Variants in NXPH1 observed in about 807,000 individuals in gnomAD.
NXPH1 encodes neurexophilin-1.
NXPH1 carries 5 observed loss-of-function variants against 23.7 expected under a neutral mutation model. The ratio of observed to expected loss-of-function variants is 0.21; its 90% CI spans 0.11 to 0.44. The LOEUF (loss-of-function observed/expected upper bound fraction) is 0.44. NXPH1 is among the 20% of genes least tolerant of loss of function. NXPH1 has a pLI of 0.99. For missense variants in NXPH1, 324 were observed against 321.6 expected (o/e 1.01, Z -0.06); for synonymous variants, 144 against 122.2 (o/e 1.18, Z -1.18).
intron 2 of NXPH1, among the ~76,000 whole-genome samples, chr7:8,718,674 C>T (rs1177603638): frequency 6.6e-6 from 1 of 152,230 alleles, no homozygotes; most frequent in East Asian, 1.9e-4. Context: ...TTCCTAAAGT[C>T]ACTTGCTTCT....
At chr7:8,688,450 T>C (rs1821180411) in intron 2 of NXPH1, among the ~76,000 whole-genome samples, 1 of 152,350 alleles carries the variant, frequency 6.6e-6, no homozygotes, top group Non-Finnish European at 1.5e-5. Flanking sequence ...AGATTGCTGC[T>C]TCTGTCCTTA....
chr7:8,647,032 A>T (rs930099611), intron 2 of NXPH1, among the ~76,000 whole-genome samples: 1 of 152,064 alleles, frequency 6.6e-6, no homozygotes, highest in Non-Finnish European at 1.5e-5. Flanking sequence ...GAACAGTCAG[A>T]CCCAGCTCCT....
At chr7:8,533,730 G>T (rs1019078786) in intron 2 of NXPH1, among the ~76,000 whole-genome samples, 1 of 151,912 alleles carries the variant, frequency 6.6e-6, no homozygotes, top group Non-Finnish European at 1.5e-5. Context: ...TTACAAATAG[G>T]ACCCAGTGGC....
intron 2 of NXPH1, among the ~76,000 whole-genome samples, chr7:8,525,789 C>A (rs60495611): frequency 0.034 from 5,205 of 152,262 alleles, 273 homozygotes; most frequent in African/African-American, 0.11. Context: ...CTGAGGTTTG[C>A]GAACCTCCAC....
At chr7:8,655,437 T>A (rs1348485911) in intron 2 of NXPH1, among the ~76,000 whole-genome samples, 1,410 of 66,896 alleles carry the variant, frequency 0.021, 37 homozygotes, top group Admixed American at 0.082. Context: ...TCTCTCTCTC[T>A]CTCTCTCTCT....
At chr7:8,707,020 T>C (rs907668726) in intron 2 of NXPH1, among the ~76,000 whole-genome samples, 1 of 152,164 alleles carries the variant, frequency 6.6e-6, no homozygotes, top group Non-Finnish European at 1.5e-5. Context: ...TGTAACAAAA[T>C]TGCACATGTG....
intron 2 of NXPH1, among the ~76,000 whole-genome samples, chr7:8,579,725 G>C (rs1325070089): frequency 6.6e-6 from 1 of 152,140 alleles, no homozygotes; most frequent in Non-Finnish European, 1.5e-5. Flanking sequence ...TTATCCACTT[G>C]GTTTCATTTA....
At chr7:8,460,125 G>A (rs1816668292) in intron 2 of NXPH1, among the ~76,000 whole-genome samples, 1 of 152,012 alleles carries the variant, frequency 6.6e-6, no homozygotes, top group African/African-American at 2.4e-5. Flanking sequence ...ACAAATGTAA[G>A]GATGATATAA....
At chr7:8,527,949 T>G (rs773070847) in intron 2 of NXPH1, among the ~76,000 whole-genome samples, 81 of 152,328 alleles carry the variant, frequency 5.3e-4, no homozygotes, top group Non-Finnish European at 1.0e-3. Context: ...TAATTGATCA[T>G]TTGGTAGAAA....
chr7:8,741,675 T>C (rs893472527), intron 2 of NXPH1, among the ~76,000 whole-genome samples: 3 of 152,106 alleles, frequency 2.0e-5, no homozygotes, highest in African/African-American at 7.2e-5. Context: ...AAACACTACT[T>C]TCCTCTGGCT....
At chr7:8,650,277 AAAT>A (rs1820470771) in intron 2 of NXPH1, among the ~76,000 whole-genome samples, 1 of 152,220 alleles carries the variant, frequency 6.6e-6, no homozygotes, top group African/African-American at 2.4e-5. Flanking sequence ...AATATGTAAA[AAAT>A]AAAAAGTTTT....
chr7:8,466,355 T>C (rs183027930), intron 2 of NXPH1, among the ~76,000 whole-genome samples: 1 of 152,336 alleles, frequency 6.6e-6, no homozygotes, highest in Admixed American at 6.5e-5. Context: ...TCAATTGGTA[T>C]GGGAACGATG....
chr7:8,437,579 T>C (rs1247283068), intron 2 of NXPH1, among the ~76,000 whole-genome samples: 4 of 152,232 alleles, frequency 2.6e-5, no homozygotes, highest in African/African-American at 9.7e-5. Context: ...AGTATTTCGA[T>C]AGTCTGGAAA....
intron 2 of NXPH1, among the ~76,000 whole-genome samples, chr7:8,516,320 G>C (rs1275650213): frequency 2.0e-5 from 3 of 151,932 alleles, no homozygotes; most frequent in Admixed American, 2.0e-4. Context: ...CATGTTACTG[G>C]CTGGGTGCTC....
intron 2 of NXPH1, among the ~76,000 whole-genome samples, chr7:8,616,668 G>A (rs1270228559): frequency 2.6e-5 from 4 of 151,936 alleles, no homozygotes; most frequent in Admixed American, 6.6e-5. Flanking sequence ...AGCCAGGGGG[G>A]ACTGAGGGAA....
At chr7:8,633,161 G>A in intron 2 of NXPH1, among the ~76,000 whole-genome samples, 1 of 152,204 alleles carries the variant, frequency 6.6e-6, no homozygotes, top group East Asian at 1.9e-4. Context: ...GGCCGGGCAT[G>A]GTGGCTCACG....
At chr7:8,489,734 A>T (rs17149726) in intron 2 of NXPH1, among the ~76,000 whole-genome samples, 10,366 of 152,152 alleles carry the variant, frequency 0.068, 759 homozygotes, top group African/African-American at 0.18. Flanking sequence ...ATTATGAATG[A>T]CATGTTGAAA....
intron 2 of NXPH1, among the ~76,000 whole-genome samples, chr7:8,717,573 A>T (rs1779897675): frequency 6.6e-6 from 1 of 152,042 alleles, no homozygotes; most frequent in South Asian, 2.1e-4. Flanking sequence ...CCCTTTTCTG[A>T]CTTTTGATTT....
At chr7:8,640,324 T>C (rs1326317749) in intron 2 of NXPH1, among the ~76,000 whole-genome samples, 1 of 152,028 alleles carries the variant, frequency 6.6e-6, no homozygotes, top group Non-Finnish European at 1.5e-5. Context: ...GAAATCAGAA[T>C]TAATAATTCC....
Sources: gnomAD v4.1 joint callset for allele counts (sites outside exome capture counted in the v4.1 genomes callset) on GRCh38, gnomAD v4.1.1 for gene constraint, MANE v1.5 for transcripts, NCBI Gene and HGNC (gene_info 2026-07-23, HGNC 2026-07-21) for gene names.